The following PTPRG variants were observed in gnomAD, a reference collection of about 807,000 sequenced individuals.
The protein encoded by PTPRG is protein tyrosine phosphatase receptor type G, also known as receptor-type tyrosine-protein phosphatase gamma.
Under a neutral mutation model 165.3 loss-of-function variants are expected in PTPRG, and 102 were observed. The ratio of observed to expected loss-of-function variants is 0.62; its 90% CI spans 0.53 to 0.73. PTPRG has a LOEUF of 0.73. Ranked by LOEUF, PTPRG falls within the 30% of genes least tolerant of loss-of-function variation. The probability of loss-of-function intolerance (pLI) is 0.00; values close to 1 mark genes in which losing one functional copy is unlikely to be tolerated. For missense variants in PTPRG, 1,866 were observed against 1,861.4 expected (o/e 1.00, Z -0.05); for synonymous variants, 675 against 669.5 (o/e 1.01, Z -0.13).
rs548790891 is a variant in PTPRG, at chr3:62,275,877, T to C, written c.3470T>C (p.Val1157Ala). The C allele has an allele frequency of 5.0e-6, 8 of 1,604,624 alleles. No individual in the cohort carries two copies. In the African/African-American group the frequency reaches 6.7e-5, roughly 13 times the overall value. Residue 1157 changes from valine (V) to alanine (A), a missense_variant, in exon 24 of 30, where the codon GTC becomes GCC. Transcript: ENST00000474889. ...AAAATGTTTTTTCTTTTTCAGCTGGTCACACAGTGTAATGCAAAATATGTG... is the reference window on the plus strand; with the variant it reads ...AAAATGTTTTTTCTTTTTCAGCTGGCCACACAGTGTAATGCAAAATATGTG... ...KTRLEKQFKL[V>A]TQCNAKYVEC...
rs1222483649 is a variant in PTPRG, at chr3:62,240,462, C to T, written c.2376-3345C>T. 6.6e-6 allele frequency among the ~76,000 whole-genome samples: 1 copy of T among 152,110 alleles called. No individual in the cohort carries two copies. The highest frequency in any genetic ancestry group is 1.5e-5 in the Non-Finnish European group (1 of 68,018). Reference sequence around the variant, plus strand: ...GATCTCCTTGTTCCATTTCTGCTGCCCTCTAATCCATTCATCATGTAGCAG... The same window carrying T: ...GATCTCCTTGTTCCATTTCTGCTGCTCTCTAATCCATTCATCATGTAGCAG... On this transcript the variant is annotated intron_variant, in intron 14 of 29. Coordinates refer to ENST00000474889, the MANE Select transcript of PTPRG (RefSeq NM_002841.4). This position sits in a 1 kb window ranked among gnomAD's most constrained non-coding sequence, Gnocchi z 5.1.
intron 1 of PTPRG, among the ~76,000 whole-genome samples, chr3:61,743,488 T>G (rs944135476): frequency 1.3e-5 from 2 of 151,388 alleles, no homozygotes; most frequent in African/African-American, 4.8e-5. Context: ...GATGCTCAGG[T>G]TTGTCAGGCC....
intron 2 of PTPRG, among the ~76,000 whole-genome samples, chr3:61,772,205 C>T (rs1559603376): frequency 1.3e-5 from 2 of 151,720 alleles, no homozygotes; most frequent in Non-Finnish European, 2.9e-5. Flanking sequence ...TGAGGGAGGG[C>T]GTTAAGCAGG....
At chr3:62,021,937 CA>C (rs2041704377) in intron 4 of PTPRG, among the ~76,000 whole-genome samples, 1 of 147,468 alleles carries the variant, frequency 6.8e-6, no homozygotes, top group African/African-American at 2.5e-5. Flanking sequence ...CCTTCCCCCT[CA>C]AAAAAGAAAG....
chr3:62,159,717 G>A (rs1367484678), intron 7 of PTPRG, among the ~76,000 whole-genome samples: 1 of 152,164 alleles, frequency 6.6e-6, no homozygotes, highest in East Asian at 1.9e-4. Flanking sequence ...AAATAGAAAA[G>A]AAATCAGTCA....
chr3:62,058,295 C>A (rs575125358), intron 4 of PTPRG, among the ~76,000 whole-genome samples: 1 of 152,060 alleles, frequency 6.6e-6, no homozygotes, highest in South Asian at 2.1e-4. Context: ...TGGGAAGGAA[C>A]CTTGCTAGTG....
intron 2 of PTPRG, among the ~76,000 whole-genome samples, chr3:61,834,972 G>T (rs1243195115): frequency 6.6e-6 from 1 of 152,098 alleles, no homozygotes; most frequent in East Asian, 1.9e-4. Context: ...TGAAAGCTTG[G>T]GTTTTGATTT....
At chr3:61,809,754 ATAAT>A (rs1427406594) in intron 2 of PTPRG, among the ~76,000 whole-genome samples, 1 of 152,204 alleles carries the variant, frequency 6.6e-6, no homozygotes, top group Admixed American at 6.5e-5. Context: ...TGTGGACCAG[ATAAT>A]TAAGGCATTT....
chr3:62,055,060 A>G (rs1700590184), intron 4 of PTPRG, among the ~76,000 whole-genome samples: 1 of 152,112 alleles, frequency 6.6e-6, no homozygotes, highest in African/African-American at 2.4e-5. Context: ...ATTATATCTC[A>G]AGTTTTCCTG....
intron 1 of PTPRG, among the ~76,000 whole-genome samples, chr3:61,637,625 C>T (rs1030217527): frequency 2.6e-5 from 4 of 152,138 alleles, no homozygotes; most frequent in Non-Finnish European, 4.4e-5. Flanking sequence ...TTTGTGATGC[C>T]GGAGCACACA....
intron 5 of PTPRG, among the ~76,000 whole-genome samples, chr3:62,118,929 C>G (rs1014933319): frequency 6.6e-6 from 1 of 152,218 alleles, no homozygotes; most frequent in African/African-American, 2.4e-5. Context: ...TAGCTTCATC[C>G]TCCTTAACGT....
intron 2 of PTPRG, among the ~76,000 whole-genome samples, chr3:61,826,898 T>C (rs1371623080): frequency 6.6e-6 from 1 of 152,078 alleles, no homozygotes; most frequent in African/African-American, 2.4e-5. Context: ...ATTTGGTGAT[T>C]GAAGTAGTAA....
intron 14 of PTPRG, among the ~76,000 whole-genome samples, chr3:62,232,662 A>C (rs1278057749): frequency 6.6e-6 from 1 of 152,182 alleles, no homozygotes; most frequent in Non-Finnish European, 1.5e-5. Context: ...TCTTTTATGT[A>C]CTTCGACCCC....
At chr3:61,603,986 G>A (rs897352012) in intron 1 of PTPRG, among the ~76,000 whole-genome samples, 1 of 152,136 alleles carries the variant, frequency 6.6e-6, no homozygotes, top group Non-Finnish European at 1.5e-5. Context: ...GAGGTACTGG[G>A]CATTAGAACT....
rs567133241 is a variant in PTPRG, at chr3:61,620,314, C to CA, written c.85+57950dup. Among the ~76,000 whole-genome samples, 16 of 151,918 alleles carry CA rather than the reference C, an allele frequency of 1.1e-4. No individual in the cohort carries two copies. In the East Asian group the frequency reaches 2.9e-3, roughly 28 times the overall value. On this transcript the variant is annotated intron_variant, in intron 1 of 29. Coordinates refer to ENST00000474889, the MANE Select transcript of PTPRG (RefSeq NM_002841.4). ...CTATTACGTGTTGGCAGTAATCTTT[C>CA]AAAAAAAATTTTATGTTTCAAAATC...
At chr3:61,835,196 G>A (rs530729199) in intron 2 of PTPRG, among the ~76,000 whole-genome samples, 3 of 152,228 alleles carry the variant, frequency 2.0e-5, no homozygotes, top group South Asian at 4.2e-4. Context: ...TCCTTTGGTC[G>A]TTACTGTGCC....
At chr3:61,977,691 A>G (rs2040541376) in intron 2 of PTPRG, among the ~76,000 whole-genome samples, 1 of 152,174 alleles carries the variant, frequency 6.6e-6, no homozygotes. Flanking sequence ...TAAGATATTT[A>G]TATGATTCAG....
intron 2 of PTPRG, among the ~76,000 whole-genome samples, chr3:61,789,696 T>A (rs1188358071): frequency 1.3e-5 from 2 of 152,232 alleles, no homozygotes; most frequent in African/African-American, 4.8e-5. Context: ...AGTAAGTATT[T>A]TATTTGAAAA....
chr3:61,788,271 A>G (rs72880408), intron 2 of PTPRG, among the ~76,000 whole-genome samples: 103 of 152,314 alleles, frequency 6.8e-4, no homozygotes, highest in African/African-American at 2.4e-3. Context: ...TGTATAATAA[A>G]TATGTTTCAC....
Sources: gnomAD v4.1 joint callset for allele counts (sites outside exome capture counted in the v4.1 genomes callset) on GRCh38, gnomAD v4.1.1 for gene constraint, Gnocchi (gnomAD v3.1) non-coding constraint, MANE v1.5 for transcripts, NCBI Gene and HGNC (gene_info 2026-07-23, HGNC 2026-07-21) for gene names.